MAPK6: variants seen among roughly 807,000 people sequenced by gnomAD.
The protein encoded by MAPK6 is ERK-3.
MAPK6 carries 19 observed loss-of-function variants against 59.3 expected under a neutral mutation model. The observed-to-expected ratio is 0.32, with a 90% CI of 0.22 to 0.47. The LOEUF is 0.47. MAPK6 is among the 20% of genes least tolerant of loss of function. MAPK6 has a pLI of 1.00. For synonymous variants in MAPK6, 316 were observed against 290.3 expected, an observed-to-expected ratio of 1.09 and a Z score of -0.90; for missense variants, 724 against 847.9, an observed-to-expected ratio of 0.85 and a Z score of 1.81.
At position 52,046,704 on chromosome 15, in the gene MAPK6, G is replaced by C; in HGVS notation, c.244G>C (p.Glu82Gln). The C allele has an allele frequency of 6.2e-7, 1 of 1,614,168 alleles. No homozygotes were observed. The highest frequency in any genetic ancestry group is 8.5e-7 in the Non-Finnish European group (1 of 1,180,032). ...CCATGATAACATTGTGAAAGTGTTT[G>C]AGATTCTTGGTCCCAGTGGAAGCCA... ...LDHDNIVKVF[E>Q]ILGPSGSQLT... The change falls in exon 2 of 6, where the codon GAG becomes CAG. Residue 82 changes from glutamate (E) to glutamine (Q), a missense_variant. Transcript: ENST00000261845.
Position 52,064,856 on chromosome 15 carries a change from C to T in MAPK6, c.2022C>T (p.Leu674=), listed in dbSNP as rs767645177. ...NSGEFLFNKQ[L]ESIGIPQFHS... is the part of the protein sequence containing the mutation. ...GGGAGTTCCTCTTTAACAAGCAGCT[C>T]GAGTCCATAGGCATCCCACAGTTTC... The change falls in exon 6 of 6, where the codon CTC becomes CTT. Residue 674 remains leucine, a synonymous_variant. Coordinates refer to ENST00000261845, the MANE Select transcript of MAPK6 (RefSeq NM_002748.4). The T allele has an allele frequency of 4.3e-6, 7 of 1,611,902 alleles. No individual in the cohort carries two copies. The South Asian group carries it at 5.5e-5, about 13-fold the overall frequency.
chr15:52,036,194 C>T (rs893298385), intron 1 of MAPK6, among the ~76,000 whole-genome samples: 2 of 152,122 alleles, frequency 1.3e-5, no homozygotes, highest in Non-Finnish European at 2.9e-5. Flanking sequence ...TGTAGCTTAG[C>T]CACTTTGTTT....
intron 4 of MAPK6, among the ~76,000 whole-genome samples, chr15:52,060,819 G>A (rs895019067): frequency 1.3e-5 from 2 of 152,094 alleles, no homozygotes; most frequent in Non-Finnish European, 2.9e-5. Context: ...AGTGAAGGAT[G>A]GGAAAGGGCT....
In MAPK6 at chr15:52,046,444, A is replaced by AG; in HGVS notation, c.-17_-16insG. 1 of 1,563,476 alleles carries AG rather than the reference A, an allele frequency of 6.4e-7. No homozygotes were observed. The highest frequency in any genetic ancestry group is 8.7e-7 in the Non-Finnish European group (1 of 1,153,526). On this transcript the variant is annotated 5_prime_UTR_variant, in exon 2 of 6. Coordinates refer to ENST00000261845, the MANE Select transcript of MAPK6 (RefSeq NM_002748.4). Reference sequence around the variant, plus strand: ...AAGTTCAATTTGAAAGGAAAAGGCAATAGTAAGGGTTTCAAAATGGCAGAG... The same window carrying AG: ...AAGTTCAATTTGAAAGGAAAAGGCAAGTAGTAAGGGTTTCAAAATGGCAGAG...
At chr15:51,974,146 G>T (rs933680931) in intron 1 of MAPK6, among the ~76,000 whole-genome samples, 6 of 151,542 alleles carry the variant, frequency 4.0e-5, no homozygotes, top group Admixed American at 3.3e-4. Flanking sequence ...AAAATATATA[G>T]AAACAAGGTC....
intron 2 of MAPK6, among the ~76,000 whole-genome samples, chr15:51,988,642 G>A (rs559802642): frequency 1.3e-4 from 20 of 152,034 alleles, no homozygotes; most frequent in Admixed American, 2.6e-4. Context: ...TGAGGCAGGG[G>A]AATTGCTTGA....
At position 52,063,993 on chromosome 15, in the gene MAPK6, G is replaced by C. The variant is rs367920269; in HGVS notation, c.1159G>C (p.Asp387His). ...EVQLDPRALS[D>H]VTDEEEVQVD... ...TCAGCTTGATCCAAGAGCTCTGTCC[G>C]ATGTCACTGATGAAGAAGAAGTACA... The change falls in exon 6 of 6, where the codon GAT (aspartate) becomes CAT (histidine). Residue 387 changes from aspartate to histidine, a missense_variant. Around this residue, in one of 4 missense-constraint regions of MAPK6, gnomAD observed 502 missense variants for 507.6 expected, o/e 0.99. Coordinates refer to ENST00000261845, the MANE Select transcript of MAPK6 (RefSeq NM_002748.4). The C allele has an allele frequency of 1.9e-6, 3 of 1,613,520 alleles. No individual in the cohort carries two copies. Among genetic ancestry groups the C allele is most frequent in the Admixed American group, 1.7e-5 (1 of 59,982 alleles).
At chr15:52,050,625 A>T (rs1162868973) in intron 3 of MAPK6, among the ~76,000 whole-genome samples, 2 of 152,234 alleles carry the variant, frequency 1.3e-5, no homozygotes, top group Admixed American at 1.3e-4. Flanking sequence ...TGTGTCATAA[A>T]GCAAAGCATA....
In MAPK6 at chr15:52,063,958, TTGA is replaced by T. The variant is rs778919302; in HGVS notation, c.1128_1130del (p.Asp376del). On this transcript the variant is annotated inframe_deletion, in exon 6 of 6. Transcript: ENST00000261845. ...TGGCCTGTACATAACAACTTTGATA[TTGA>T]TGAAGTTCAGCTTGATCCAAGAGCT... The T allele has an allele frequency of 3.7e-6, 6 of 1,603,710 alleles. No homozygotes were observed. The highest frequency in any genetic ancestry group is 1.3e-5 in the African/African-American group (1 of 74,540).
Position 52,064,690 on chromosome 15 carries a change from T to G in MAPK6, c.1856T>G (p.Val619Gly), listed in dbSNP as rs1355183977. ...TGTGAGGTAAGGAAGGATGAACAAG[T>G]TGAGAAGGAAAACACTTACACTAGT... ...QFCEVRKDEQ[V>G]EKENTYTSYL... Residue 619 changes from valine (V) to glycine (G), a missense_variant, in exon 6 of 6, where the codon GTT becomes GGT. This residue lies in a region of MAPK6 where 502 missense variants were observed against 507.6 expected (regional missense o/e 0.99). Transcript: ENST00000261845. 1.2e-6 allele frequency: 2 copies of G among 1,611,740 alleles called. No homozygotes were observed. The highest frequency in any genetic ancestry group is 1.7e-6 in the Non-Finnish European group (2 of 1,179,814).
intron 1 of MAPK6, among the ~76,000 whole-genome samples, chr15:52,038,399 T>C (rs1056599228): frequency 6.6e-6 from 1 of 152,222 alleles, no homozygotes; most frequent in African/African-American, 2.4e-5. Context: ...CTTTAGTCAG[T>C]AAAATGTGAG....
At chr15:52,051,580 T>G (rs778199797) in intron 3 of MAPK6, among the ~76,000 whole-genome samples, 108 of 152,110 alleles carry the variant, frequency 7.1e-4, no homozygotes, top group Non-Finnish European at 1.6e-4. Context: ...CTAATATTTA[T>G]CTAAAATTTC....
chr15:51,976,032 C>T (rs920050748), intron 1 of MAPK6, among the ~76,000 whole-genome samples: 5 of 151,544 alleles, frequency 3.3e-5, no homozygotes, highest in Admixed American at 6.6e-5. Flanking sequence ...TTTGGGAGGC[C>T]GAGGCGGGCG....
chr15:52,063,737 C>G (rs1037210568), intron 5 of MAPK6, among the ~76,000 whole-genome samples, 165 bp from the exon 6 acceptor site: 2 of 152,180 alleles, frequency 1.3e-5, no homozygotes, highest in African/African-American at 4.8e-5. Flanking sequence ...ATTAACAGAG[C>G]TTTCCTATCA....
chr15:52,000,597 G>A (rs951805525), intron 2 of MAPK6, among the ~76,000 whole-genome samples: 3 of 152,090 alleles, frequency 2.0e-5, no homozygotes, highest in African/African-American at 7.2e-5. Context: ...CGCAACTTCA[G>A]GAGTTTGAGA....
At chr15:52,029,982 A>T (rs2030964687) in intron 1 of MAPK6, among the ~76,000 whole-genome samples, 1 of 152,224 alleles carries the variant, frequency 6.6e-6, no homozygotes. Context: ...GGTCTTAGTT[A>T]TGAGATTCAG....
At chr15:52,041,544 G>C (rs1376757687) in intron 1 of MAPK6, among the ~76,000 whole-genome samples, 1 of 152,170 alleles carries the variant, frequency 6.6e-6, no homozygotes, top group South Asian at 2.1e-4. Flanking sequence ...GGAGATAATG[G>C]CAATTAATAG....
In MAPK6 at chr15:52,064,866, G is replaced by A; in HGVS notation, c.2032G>A (p.Gly678Ser). The change falls in exon 6 of 6, where the codon GGC becomes AGC. Residue 678 changes from glycine to serine, a missense_variant. Gly to Ser is a moderately conservative substitution (Grantham distance 56). Around this residue, in one of 4 missense-constraint regions of MAPK6, gnomAD observed 502 missense variants for 507.6 expected, o/e 0.99. Coordinates refer to ENST00000261845, the MANE Select transcript of MAPK6 (RefSeq NM_002748.4). ...FLFNKQLESI[G>S]IPQFHSPVGS... ...CTTTAACAAGCAGCTCGAGTCCATA[G>A]GCATCCCACAGTTTCACAGTCCAGT... 6.2e-7 allele frequency: 1 copy of A among 1,611,962 alleles called. No individual in the cohort carries two copies. Among genetic ancestry groups the A allele is most frequent in the Non-Finnish European group, 8.5e-7 (1 of 1,179,844 alleles).
intron 5 of MAPK6, among the ~76,000 whole-genome samples, chr15:52,061,981 T>A (rs1295282017): frequency 6.6e-6 from 1 of 152,018 alleles, no homozygotes; most frequent in African/African-American, 2.4e-5. Context: ...ATGACAAGAC[T>A]CAGTCATATC....
Sources: gnomAD v4.1 joint callset for allele counts (sites outside exome capture counted in the v4.1 genomes callset) on GRCh38, gnomAD v4.1.1 for gene constraint, gnomAD v4.1.1 regional missense constraint, MANE v1.5 for transcripts, NCBI Gene and HGNC (gene_info 2026-07-23, HGNC 2026-07-21) for gene names.